Variants in ZNHIT6 observed in about 807,000 individuals in gnomAD.
The protein encoded by ZNHIT6 is zinc finger HIT-type containing 6.
ZNHIT6 carries 45 observed loss-of-function variants against 57.2 expected under a neutral mutation model. That is an observed-to-expected ratio of 0.79 (90% CI 0.62 to 1.01). The LOEUF (loss-of-function observed/expected upper bound fraction) is 1.01. ZNHIT6 is among the 50% of genes least tolerant of loss of function. The pLI, the probability that ZNHIT6 is intolerant of heterozygous loss-of-function variation, is 0.00. For missense variants in ZNHIT6, 528 were observed against 567.3 expected (o/e 0.93, Z 0.70); for synonymous variants, 188 against 190.0 (o/e 0.99, Z 0.09).
At chr1:85,666,365 C>T (rs547943320) in intron 8 of ZNHIT6, among the ~76,000 whole-genome samples, 59 of 152,210 alleles carry the variant, frequency 3.9e-4, no homozygotes, top group East Asian at 1.4e-3. Flanking sequence ...ATTAACATTA[C>T]GCTAAAATAT....
At chr1:85,667,408 G>A (rs1004987967) in intron 8 of ZNHIT6, among the ~76,000 whole-genome samples, 4 of 151,812 alleles carry the variant, frequency 2.6e-5, no homozygotes, top group South Asian at 4.2e-4. Flanking sequence ...ACTTATTCAG[G>A]GCCTTCACAT....
intron 5 of ZNHIT6, among the ~76,000 whole-genome samples, chr1:85,683,329 T>C (rs1263968159): frequency 6.6e-6 from 1 of 152,066 alleles, no homozygotes; most frequent in Non-Finnish European, 1.5e-5. Flanking sequence ...CCATCCTGGC[T>C]CACATGGTGA....
At position 85,657,965 on chromosome 1, in the gene ZNHIT6, A is replaced by G. The variant is rs1661107766; in HGVS notation, c.1254T>C (p.Tyr418=). 1 of 1,475,574 alleles carries G rather than the reference A, an allele frequency of 6.8e-7. No individual in the cohort carries two copies. The highest frequency in any genetic ancestry group is 1.4e-5 in the African/African-American group (1 of 70,222). 91.4% of individuals were successfully genotyped at this position (1,475,574 alleles called of 1,614,324 possible). Residue 418 remains tyrosine (Y), a synonymous_variant, in exon 9 of 10, where the codon TAT becomes TAC. Transcript: ENST00000370574. ...EYMQQNLVRY[Y]ELDPYKSLLD... ...GGAGACTTTTATAAGGATCTAGTTC[A>G]TAATATCTTATTAATAAAAAAAAAC...
At chr1:85,667,961 A>AAAT in intron 8 of ZNHIT6, among the ~76,000 whole-genome samples, 4 of 18,196 alleles carry the variant, frequency 2.2e-4, no homozygotes, top group African/African-American at 6.4e-4. Flanking sequence ...AAAAAAAAAA[A>AAAT]ATATATATAT....
intron 8 of ZNHIT6, among the ~76,000 whole-genome samples, chr1:85,662,724 A>G (rs1474110698): frequency 2.0e-5 from 3 of 152,216 alleles, no homozygotes; most frequent in Admixed American, 1.3e-4. Flanking sequence ...TTGTTTTGGG[A>G]TTTTTATATA....
At chr1:85,681,821 AG>A (rs1311896477) in intron 5 of ZNHIT6, among the ~76,000 whole-genome samples, 1 of 152,244 alleles carries the variant, frequency 6.6e-6, no homozygotes, top group African/African-American at 2.4e-5. Flanking sequence ...TCTAAAGGAC[AG>A]ATGTCTAAAA....
At position 85,658,075 on chromosome 1, in the gene ZNHIT6, T is replaced by C. The variant is rs947533028; in HGVS notation, c.1248-104A>G. ...TTTTACATTAAAAATTTTTTAAAGGTGATGACAATTCAGTAGTTACTTCCT... is the reference window on the plus strand; with the variant it reads ...TTTTACATTAAAAATTTTTTAAAGGCGATGACAATTCAGTAGTTACTTCCT... On this transcript the variant is annotated intron_variant, in intron 8 of 9. Coordinates refer to ENST00000370574, the MANE Select transcript of ZNHIT6 (RefSeq NM_017953.4). The C allele has an allele frequency of 1.6e-5, 12 of 763,698 alleles. No individual in the cohort carries two copies. In the African/African-American group the frequency reaches 2.2e-4, roughly 14 times the overall value. The allele number at this position is 763,698 out of a possible 1,614,324, so 47.3% of individuals were successfully genotyped here.
At chr1:85,706,941 C>T (rs749264234) in intron 1 of ZNHIT6, among the ~76,000 whole-genome samples, 1 of 152,164 alleles carries the variant, frequency 6.6e-6, no homozygotes, top group Non-Finnish European at 1.5e-5. Flanking sequence ...GTAGTAGTAG[C>T]ACCCTTTTTC....
In ZNHIT6 at chr1:85,650,108, C is replaced by T. The variant is rs576622538; in HGVS notation, c.*3950G>A. 1 of 152,294 alleles carries T rather than the reference C, an allele frequency of 6.6e-6. No individual in the cohort carries two copies. Among genetic ancestry groups the T allele is most frequent in the East Asian group, 1.9e-4 (1 of 5,182 alleles). The allele number at this position is 152,294 out of a possible 1,614,324, so 9.4% of individuals were successfully genotyped here. ...ATTCTGGCTTTCTTCTAAAAATTTC[C>T]CCCTCCTTTGGGTGAATTCCTCTCT... On this transcript the variant is annotated 3_prime_UTR_variant, in exon 10 of 10. Transcript: ENST00000370574.
At chr1:85,670,442 T>C (rs1269029533) in intron 8 of ZNHIT6, among the ~76,000 whole-genome samples, 1 of 152,144 alleles carries the variant, frequency 6.6e-6, no homozygotes, top group Non-Finnish European at 1.5e-5. Flanking sequence ...TACATATATA[T>C]ACACACATAT....
At chr1:85,664,038 C>G (rs1034308529) in intron 8 of ZNHIT6, among the ~76,000 whole-genome samples, 1 of 152,138 alleles carries the variant, frequency 6.6e-6, no homozygotes, top group Non-Finnish European at 1.5e-5. Flanking sequence ...TAGGGATGAT[C>G]TTCTTGTGGA....
At chr1:85,704,523 T>C (rs1013626709) in intron 4 of ZNHIT6, among the ~76,000 whole-genome samples, 3 of 152,308 alleles carry the variant, frequency 2.0e-5, no homozygotes, top group Admixed American at 2.0e-4. Context: ...GGGGTGGTAG[T>C]TAAATGAATA....
At chr1:85,656,408 T>C (rs1248529716) in intron 9 of ZNHIT6, among the ~76,000 whole-genome samples, 1 of 152,182 alleles carries the variant, frequency 6.6e-6, no homozygotes, top group Non-Finnish European at 1.5e-5. Context: ...AGTACGCTAG[T>C]AAAGTAGTCT....
intron 4 of ZNHIT6, among the ~76,000 whole-genome samples, chr1:85,703,141 A>C (rs1299053501): frequency 6.6e-6 from 1 of 152,194 alleles, no homozygotes; most frequent in East Asian, 1.9e-4. Context: ...TAATAATTCT[A>C]ATAGCAGTGA....
chr1:85,667,643 A>G (rs1570292807), intron 8 of ZNHIT6, among the ~76,000 whole-genome samples: 1 of 126,870 alleles, frequency 7.9e-6, no homozygotes, highest in South Asian at 2.6e-4. Context: ...AAAAAAAAAA[A>G]GAATAATGGC....
chr1:85,683,326 G>C (rs1274040834), intron 5 of ZNHIT6, among the ~76,000 whole-genome samples: 2 of 152,168 alleles, frequency 1.3e-5, no homozygotes, highest in African/African-American at 2.4e-5. Context: ...AGACCATCCT[G>C]GCTCACATGG....
intron 8 of ZNHIT6, among the ~76,000 whole-genome samples, chr1:85,670,717 C>T (rs1661534221): frequency 6.6e-6 from 1 of 152,088 alleles, no homozygotes; most frequent in Admixed American, 6.5e-5. Flanking sequence ...AGGAAATGAA[C>T]TCTGTTGCAG....
Position 85,702,534 on chromosome 1 carries a change from C to G in ZNHIT6, c.916-274G>C, listed in dbSNP as rs556502648. Among the ~76,000 whole-genome samples, 11 of 152,258 alleles carry G rather than the reference C, an allele frequency of 7.2e-5. No homozygotes were observed. The South Asian group carries it at 8.3e-4, about 11-fold the overall frequency. On this transcript the variant is annotated intron_variant, in intron 4 of 9. Transcript: ENST00000370574. ...AACCCTGGTCTGTCTAATTCCAGAG[C>G]TTGTGTTTCTAACCATATGTTCTGT...
At chr1:85,678,913 T>C (rs527250241) in intron 6 of ZNHIT6, 132 bp from the exon 7 acceptor site, 6 of 494,164 alleles carry the variant, frequency 1.2e-5, no homozygotes, top group African/African-American at 1.0e-4. Flanking sequence ...TATATTACTC[T>C]TGGCAAAATA....
Sources: allele counts gnomAD v4.1 joint callset (sites outside exome capture counted in the v4.1 genomes callset), GRCh38; gene constraint gnomAD v4.1.1; transcripts MANE v1.5; gene names NCBI Gene and HGNC (gene_info 2026-07-23, HGNC 2026-07-21).